TENM3: variants seen among roughly 807,000 people sequenced by gnomAD.
The protein encoded by TENM3 is teneurin transmembrane protein 3, also known as teneurin-3.
A neutral mutation model predicts 255.1 loss-of-function variants in TENM3; 63 were observed. The ratio of observed to expected loss-of-function variants is 0.25; its 90% CI spans 0.20 to 0.30. The LOEUF is 0.30. TENM3 is among the 10% of genes least tolerant of loss of function. TENM3 has a pLI of 1.00. For missense variants in TENM3, 2,929 were observed against 3,461.1 expected (o/e 0.85, Z 3.86); for synonymous variants, 1,306 against 1,322.3 (o/e 0.99, Z 0.27).
At chr4:182,197,871 G>A (rs950581522) in intron 1 of TENM3, among the ~76,000 whole-genome samples, 1 of 152,192 alleles carries the variant, frequency 6.6e-6, no homozygotes, top group Admixed American at 6.5e-5. Context: ...TCGGGAGGCC[G>A]AGGCGGTCGG....
chr4:182,302,108 T>C (rs987174082), intron 1 of TENM3, among the ~76,000 whole-genome samples: 21 of 152,182 alleles, frequency 1.4e-4, no homozygotes, highest in Admixed American at 1.2e-3. Flanking sequence ...AAAATGATTA[T>C]TTTGCCAAAA....
chr4:182,341,371 C>T (rs947377820), intron 2 of TENM3, among the ~76,000 whole-genome samples: 1 of 152,136 alleles, frequency 6.6e-6, no homozygotes, highest in Non-Finnish European at 1.5e-5. Flanking sequence ...TATCTCCTTC[C>T]TCACCTTTAT....
At chr4:181,954,449 T>A in the TENM3 span, among the ~76,000 whole-genome samples, 1 of 152,212 alleles carries the variant, frequency 6.6e-6, no homozygotes, top group Non-Finnish European at 1.5e-5. Context: ...GTTAGTCTTT[T>A]TAATTTTAGC....
the TENM3 span, among the ~76,000 whole-genome samples, chr4:181,655,735 G>T: frequency 1.3e-5 from 2 of 151,946 alleles, no homozygotes; most frequent in African/African-American, 2.4e-5. Context: ...AGAACAAAAG[G>T]GAAAATGCAC....
the TENM3 span, among the ~76,000 whole-genome samples, chr4:181,512,356 C>G: frequency 6.6e-6 from 1 of 152,150 alleles, no homozygotes; most frequent in Admixed American, 6.5e-5. Flanking sequence ...CATAGTGCAG[C>G]AGCTTGCAGG....
intron 3 of TENM3, among the ~76,000 whole-genome samples, chr4:182,570,758 A>C (rs566090796): frequency 1.3e-5 from 2 of 151,966 alleles, no homozygotes; most frequent in African/African-American, 4.8e-5. Context: ...TTAACCTGGG[A>C]GGCGGAGCTT....
chr4:181,974,975 A>G, the TENM3 span, among the ~76,000 whole-genome samples: 13 of 152,220 alleles, frequency 8.5e-5, no homozygotes, highest in South Asian at 2.5e-3. Flanking sequence ...GGTGTCTATT[A>G]GTTCCATCTT....
At chr4:182,672,652 T>G (rs571849203) in intron 6 of TENM3, among the ~76,000 whole-genome samples, 1 of 152,346 alleles carries the variant, frequency 6.6e-6, no homozygotes, top group African/African-American at 2.4e-5. Flanking sequence ...GACTGATAAG[T>G]ACCAGACCCT....
At chr4:182,077,500 TTC>T in the TENM3 span, among the ~76,000 whole-genome samples, 2 of 152,188 alleles carry the variant, frequency 1.3e-5, no homozygotes, top group Admixed American at 1.3e-4. Flanking sequence ...GAGATGTACT[TTC>T]TGAAAGAAAG....
chr4:182,209,698 C>T (rs1754854428), intron 1 of TENM3, among the ~76,000 whole-genome samples: 1 of 152,026 alleles, frequency 6.6e-6, no homozygotes, highest in Admixed American at 6.5e-5. Flanking sequence ...ATTAACTGGG[C>T]TTGGGAGTAC....
At chr4:181,721,623 A>G in the TENM3 span, among the ~76,000 whole-genome samples, 2 of 147,706 alleles carry the variant, frequency 1.4e-5, no homozygotes, top group Non-Finnish European at 3.0e-5. Context: ...AAAAAAAAAA[A>G]AAGAAGTGGA....
At chr4:181,599,564 C>T in the TENM3 span, among the ~76,000 whole-genome samples, 73 of 152,272 alleles carry the variant, frequency 4.8e-4, no homozygotes, top group Admixed American at 9.8e-4. Flanking sequence ...TACACAACTG[C>T]ATTTGTATAT....
intron 3 of TENM3, among the ~76,000 whole-genome samples, chr4:182,578,065 C>T (rs1745111433): frequency 6.6e-6 from 1 of 152,030 alleles, no homozygotes; most frequent in Non-Finnish European, 1.5e-5. Context: ...CAAGCTCCAC[C>T]TCCCAGGTTC....
chr4:181,583,637 A>G, the TENM3 span, among the ~76,000 whole-genome samples: 1 of 152,158 alleles, frequency 6.6e-6, no homozygotes, highest in Non-Finnish European at 1.5e-5. Context: ...TGGCTTTTTG[A>G]GGTTGGTGAA....
At chr4:181,494,905 TC>T in the TENM3 span, among the ~76,000 whole-genome samples, 1 of 152,102 alleles carries the variant, frequency 6.6e-6, no homozygotes, top group Non-Finnish European at 1.5e-5. Context: ...GCTTGCCACT[TC>T]CGTGCCATCT....
chr4:182,327,165 A>G (rs1276955807), intron 2 of TENM3, among the ~76,000 whole-genome samples: 1 of 152,178 alleles, frequency 6.6e-6, no homozygotes, highest in African/African-American at 2.4e-5. Flanking sequence ...CTCACGGACT[A>G]TTATGCTATG....
At position 182,799,451 on chromosome 4, in the gene TENM3, C is replaced by T. The variant is rs1392915795; in HGVS notation, c.7345-145C>T. The stretch of plus-strand genomic sequence containing the variant: ...GGAGGGATCTCGAGTGCTCCCTCCA[C>T]CCGGGCTGTCAGCCTTCTGGTCAGG... On this transcript the variant is annotated intron_variant, in intron 27 of 27. Coordinates refer to ENST00000511685, the MANE Select transcript of TENM3 (RefSeq NM_001080477.4). The surrounding 1 kb of genome is among the most constrained non-coding windows in gnomAD (Gnocchi z 4.2). 13 of 1,029,942 alleles carry T rather than the reference C, an allele frequency of 1.3e-5. No homozygotes were observed. In the East Asian group the frequency reaches 3.5e-4, roughly 28 times the overall value. 63.8% of individuals were successfully genotyped at this position (1,029,942 alleles called of 1,614,324 possible). A position where few individuals can be genotyped will look rare whatever the true frequency, so the allele number is the denominator to read the frequency against.
chr4:181,508,058 T>A, the TENM3 span, among the ~76,000 whole-genome samples: 1 of 152,348 alleles, frequency 6.6e-6, no homozygotes, highest in South Asian at 2.1e-4. Flanking sequence ...CTGTGCTGAA[T>A]CTGCGCACTG....
At chr4:182,519,913 C>G (rs1180380626) in intron 3 of TENM3, among the ~76,000 whole-genome samples, 1 of 151,984 alleles carries the variant, frequency 6.6e-6, no homozygotes, top group Non-Finnish European at 1.5e-5. Flanking sequence ...TTCAAAATTT[C>G]TAAGTGAATG....
Sources: allele counts gnomAD v4.1 joint callset (sites outside exome capture counted in the v4.1 genomes callset), GRCh38; gene constraint gnomAD v4.1.1; non-coding constraint Gnocchi (gnomAD v3.1); transcripts MANE v1.5; gene names NCBI Gene and HGNC (gene_info 2026-07-23, HGNC 2026-07-21).